Variants in ZNF451 observed in about 807,000 individuals in gnomAD.
ZNF451 encodes E3 SUMO-protein ligase ZNF451.
In ZNF451, 80 loss-of-function variants were observed where a neutral mutation model predicts 107.1. The observed-to-expected ratio is 0.75, with a 90% CI of 0.62 to 0.90. ZNF451 has a LOEUF of 0.90. Among genes scored for constraint, ZNF451 ranks in the 40% least tolerant of loss-of-function variants. The pLI, the probability that ZNF451 is intolerant of heterozygous loss-of-function variation, is 0.00. For missense variants in ZNF451, 1,107 were observed against 1,236.2 expected, an observed-to-expected ratio of 0.90 and a Z score of 1.57; for synonymous variants, 362 against 406.5, an observed-to-expected ratio of 0.89 and a Z score of 1.32.
chr6:57,104,254 T>C (rs750106087), intron 3 of ZNF451: 10 of 985,416 alleles, frequency 1.0e-5, no homozygotes, highest in Non-Finnish European at 1.2e-5. Flanking sequence ...TTATGTGTAT[T>C]GCACCAATCA....
chr6:57,151,090 G>A (rs555371823), intron 11 of ZNF451: 101 of 422,822 alleles, frequency 2.4e-4, no homozygotes, highest in East Asian at 5.0e-4. Flanking sequence ...GGCCGGGCGC[G>A]GTGGCTCACG....
chr6:57,095,628 C>T (rs1350063107), intron 2 of ZNF451, among the ~76,000 whole-genome samples: 4 of 151,700 alleles, frequency 2.6e-5, no homozygotes, highest in South Asian at 2.1e-4. Context: ...CTACCACGCT[C>T]GTCTGGATTT....
intron 5 of ZNF451, among the ~76,000 whole-genome samples, chr6:57,131,700 A>G (rs1831184629): frequency 6.6e-6 from 1 of 152,188 alleles, no homozygotes. Flanking sequence ...TAAAAATCAT[A>G]TTGTCTTAAG....
At chr6:57,108,463 A>C in intron 3 of ZNF451, 3 of 985,386 alleles carry the variant, frequency 3.0e-6, no homozygotes, top group Non-Finnish European at 3.6e-6. Flanking sequence ...GGTAACAGTG[A>C]TGTGGATGAT....
intron 2 of ZNF451, among the ~76,000 whole-genome samples, chr6:57,098,548 A>G (rs2127936709): frequency 6.6e-6 from 1 of 152,174 alleles, no homozygotes; most frequent in Admixed American, 6.5e-5. Flanking sequence ...TCTTTTGCCT[A>G]TTGAATAAAA....
At chr6:57,133,216 G>A (rs1831266276) in intron 6 of ZNF451, 24 bp downstream of exon 6, 1 of 1,599,156 alleles carries the variant, frequency 6.3e-7, no homozygotes. Context: ...TCATAATAGT[G>A]AATGCTGAAG....
intron 3 of ZNF451, chr6:57,102,622 A>T: frequency 1.0e-6 from 1 of 986,204 alleles, no homozygotes; most frequent in Non-Finnish European, 1.2e-6. Flanking sequence ...AAGATGGTCA[A>T]CTCACCAAGA....
chr6:57,141,894 G>T, intron 8 of ZNF451, 54 bp from the exon 9 acceptor site: 1 of 1,502,224 alleles, frequency 6.7e-7, no homozygotes. Context: ...GAGGAAGGTT[G>T]GGTTACTCTG....
intron 9 of ZNF451, among the ~76,000 whole-genome samples, chr6:57,143,454 C>G (rs1271352363): frequency 1.3e-5 from 2 of 152,098 alleles, no homozygotes; most frequent in African/African-American, 4.8e-5. Flanking sequence ...GATTTCTGCT[C>G]TTTAAACTTT....
At chr6:57,106,097 A>G in intron 3 of ZNF451, 1 of 985,406 alleles carries the variant, frequency 1.0e-6, no homozygotes, top group Non-Finnish European at 1.2e-6. Flanking sequence ...GACCTGATAC[A>G]TCCAGGATAA....
intron 13 of ZNF451, among the ~76,000 whole-genome samples, chr6:57,160,322 T>G (rs1242085275): frequency 6.6e-6 from 1 of 151,930 alleles, no homozygotes; most frequent in Non-Finnish European, 1.5e-5. Flanking sequence ...TTCTTTTCTT[T>G]TCTCGTCTCG....
Position 57,157,176 on chromosome 6 carries a change from CT to C in ZNF451, c.3070+3132del, listed in dbSNP as rs1763466934. The stretch of plus-strand genomic sequence containing the variant: ...TTGATACAAGTTTGAGTCTCTTATT[CT>C]TTATAAGTTTTCAGAAATTTACCAT... On this transcript the variant is annotated intron_variant, in intron 13 of 14. Coordinates refer to ENST00000370706, the MANE Select transcript of ZNF451 (RefSeq NM_001031623.3). 2.6e-5 allele frequency among the ~76,000 whole-genome samples: 4 copies of C among 152,054 alleles called. 1 individual carries two copies. The highest frequency in any genetic ancestry group is 9.7e-5 in the African/African-American group (4 of 41,392).
At chr6:57,099,946 T>TTGGATAAATTAAGTAACCTTTTAGCC (rs1254831730) in intron 3 of ZNF451, among the ~76,000 whole-genome samples, 6 of 152,222 alleles carry the variant, frequency 3.9e-5, no homozygotes, top group Non-Finnish European at 7.3e-5. Context: ...TTCTGTGACT[T>TTGGATAAATTAAGTAACCTTTTAGCC]TGGATAAATT....
chr6:57,091,832 T>C (rs922364553), intron 2 of ZNF451, among the ~76,000 whole-genome samples: 1 of 152,232 alleles, frequency 6.6e-6, no homozygotes, highest in African/African-American at 2.4e-5. Context: ...CTTGTAAAAT[T>C]GGTTATTAAA....
chr6:57,141,295 A>G lies in ZNF451; in HGVS notation c.703-7A>G, dbSNP rs113327930. ...TTTCCATAATACAGCTTTGTCTTAT[A>G]TTTTAGGAAGCCACAGATGATGGAC... On this transcript the variant is annotated splice_polypyrimidine_tract_variant and splice_region_variant and intron_variant, in intron 7 of 14. Coordinates refer to ENST00000370706, the MANE Select transcript of ZNF451 (RefSeq NM_001031623.3). 1.3e-6 allele frequency: 2 copies of G among 1,595,808 alleles called. No individual in the cohort carries two copies. The highest frequency in any genetic ancestry group is 1.7e-6 in the Non-Finnish European group (2 of 1,169,714).
At chr6:57,130,252 A>T (rs922043203) in intron 5 of ZNF451, among the ~76,000 whole-genome samples, 2 of 152,186 alleles carry the variant, frequency 1.3e-5, no homozygotes, top group Non-Finnish European at 2.9e-5. Context: ...AAACAAAAAA[A>T]TTATATGGCA....
At chr6:57,121,417 G>A (rs1379725683) in intron 3 of ZNF451, among the ~76,000 whole-genome samples, 2 of 152,106 alleles carry the variant, frequency 1.3e-5, no homozygotes, top group African/African-American at 4.8e-5. Flanking sequence ...AAAAAATAAT[G>A]TTAGGATTTT....
intron 11 of ZNF451, 76 bp from the exon 12 acceptor site, chr6:57,152,143 ATG>A (rs1832379979): frequency 1.4e-6 from 2 of 1,464,206 alleles, no homozygotes; most frequent in Admixed American, 2.3e-5. Flanking sequence ...TTTTTCTAGT[ATG>A]TGTTTTTTCT....
chr6:57,106,109 C>G, intron 3 of ZNF451: 1 of 985,302 alleles, frequency 1.0e-6, no homozygotes, highest in Non-Finnish European at 1.2e-6. Context: ...CCAGGATAAC[C>G]TCTCAGGTAC....
Sources: gnomAD v4.1 joint callset for allele counts (sites outside exome capture counted in the v4.1 genomes callset) on GRCh38, gnomAD v4.1.1 for gene constraint, MANE v1.5 for transcripts, NCBI Gene and HGNC (gene_info 2026-07-23, HGNC 2026-07-21) for gene names.